The following FETUB variants were observed in gnomAD, a reference collection of about 807,000 sequenced individuals.
FETUB encodes fetuin B.
FETUB carries 28 observed loss-of-function variants against 30.9 expected under a neutral mutation model. That is an observed-to-expected ratio of 0.90 (90% confidence interval 0.67 to 1.24). The LOEUF is 1.24. Ranked by LOEUF, FETUB falls within the 50% of genes most tolerant of loss-of-function variation. The pLI, the probability that FETUB is intolerant of heterozygous loss-of-function variation, is 0.00. For synonymous variants in FETUB, 186 were observed against 175.9 expected (o/e 1.06, Z -0.45); for missense variants, 469 against 455.3 (o/e 1.03, Z -0.27).
intron 2 of FETUB, chr3:186,642,099 T>G (rs1425253347): frequency 5.6e-6 from 1 of 179,502 alleles, no homozygotes; most frequent in African/African-American, 2.4e-5. Flanking sequence ...AGCTCACGAC[T>G]TCCATGGTTA....
chr3:186,637,335 C>T (rs1043849992), upstream of FETUB, among the ~76,000 whole-genome samples: 10 of 152,196 alleles, frequency 6.6e-5, no homozygotes, highest in Non-Finnish European at 1.3e-4. Context: ...TACCAGGCAG[C>T]TCCCACCTGG....
upstream of FETUB, among the ~76,000 whole-genome samples, chr3:186,640,147 G>A (rs950577714): frequency 2.0e-5 from 3 of 152,186 alleles, no homozygotes; most frequent in South Asian, 2.1e-4. Context: ...TATTCAGGAG[G>A]GGACCTGCAA....
At chr3:186,645,726 T>G (rs1717458005) in intron 4 of FETUB, among the ~76,000 whole-genome samples, 1 of 140,406 alleles carries the variant, frequency 7.1e-6, no homozygotes, top group Admixed American at 7.1e-5. Flanking sequence ...CAAATCTTTT[T>G]TTTTTTTTTT....
chr3:186,652,826 C>T lies in FETUB; in HGVS notation c.*195C>T, dbSNP rs1718180488. The T allele has an allele frequency of 1.2e-5, 7 of 593,048 alleles. No individual in the cohort carries two copies. In the South Asian group the frequency reaches 1.4e-4, roughly 12 times the overall value. 36.7% of individuals were successfully genotyped at this position (593,048 alleles called of 1,614,324 possible). On this transcript the variant is annotated 3_prime_UTR_variant, in exon 7 of 7. Transcript: ENST00000265029. ...CCCTCGGCTTGGGCTGCACTCTACC[C>T]TGTACACTGCCTTGTACCCTGAGCT... is the stretch of plus-strand genomic sequence containing the variant.
chr3:186,647,686 C>G (rs1717663997), intron 5 of FETUB, among the ~76,000 whole-genome samples: 1 of 152,102 alleles, frequency 6.6e-6, no homozygotes. Context: ...AATCCAGTTG[C>G]TTATCTTTTC....
In FETUB at chr3:186,640,642, T is replaced by C; in HGVS notation, c.182T>C (p.Val61Ala). 2 of 1,614,126 alleles carry C rather than the reference T, an allele frequency of 1.2e-6. No homozygotes were observed. Among genetic ancestry groups the C allele is most frequent in the Non-Finnish European group, 1.7e-6 (2 of 1,180,024 alleles). Reference protein sequence around the residue: ...DINKDRKDGYVLRLNRVNDAQ... With the variant: ...DINKDRKDGYALRLNRVNDAQ... ...AACAAAGACAGAAAGGATGGCTATG[T>C]GCTGAGACTCAACCGAGTGAACGAC... Residue 61 changes from valine to alanine, a missense_variant, in exon 1 of 7, where the codon GTG becomes GCG. By Grantham distance (64) the Val-to-Ala change is moderately conservative (BLOSUM62 0). Coordinates refer to ENST00000265029, the MANE Select transcript of FETUB (RefSeq NM_014375.3).
upstream of FETUB, among the ~76,000 whole-genome samples, chr3:186,639,251 T>C (rs1410889786): frequency 1.3e-5 from 2 of 152,170 alleles, no homozygotes; most frequent in Non-Finnish European, 2.9e-5. Context: ...GAACTCACTT[T>C]CAAGATAATG....
chr3:186,644,701 T>C, intron 3 of FETUB, 50 bp from the exon 4 acceptor site: 1 of 1,445,002 alleles, frequency 6.9e-7, no homozygotes, highest in Non-Finnish European at 9.5e-7. Context: ...AGTCATATGA[T>C]TTATTGAAAA....
chr3:186,639,515 G>A (rs1164694018), upstream of FETUB, among the ~76,000 whole-genome samples: 1 of 152,066 alleles, frequency 6.6e-6, no homozygotes, highest in Non-Finnish European at 1.5e-5. Context: ...TCTTCTAGAG[G>A]CTTCTTTCCC....
chr3:186,641,788 T>C (rs1015500843), intron 2 of FETUB, among the ~76,000 whole-genome samples: 1 of 152,234 alleles, frequency 6.6e-6, no homozygotes, highest in Non-Finnish European at 1.5e-5. Context: ...AATAGTGATG[T>C]AAGTGTTTAG....
chr3:186,642,285 T>G (rs1579035615), intron 2 of FETUB, 186 bp from the exon 3 acceptor site: 1 of 566,270 alleles, frequency 1.8e-6, no homozygotes, highest in Non-Finnish European at 3.1e-6. Flanking sequence ...AAACATATTC[T>G]AGCTGTGTCC....
At chr3:186,639,265 T>C (rs1468608796), upstream of FETUB, among the ~76,000 whole-genome samples, 2 of 152,218 alleles carry the variant, frequency 1.3e-5, no homozygotes, top group African/African-American at 2.4e-5. Context: ...GATAATGGCA[T>C]ATTCCATTCA....
rs1214610377 is a variant in FETUB, at chr3:186,652,277, A to G, written c.795A>G (p.Gly265=). ...DFFESQAPAT[G]SENSAVNQKP... ...TCTCATTCCAGGCTCCAGCCACTGG[A>G]AGTGAAAACTCTGCTGTTAACCAGA... The change falls in exon 7 of 7, where the codon GGA becomes GGG. Residue 265 remains glycine, a synonymous_variant. Transcript: ENST00000265029. 3 of 1,547,074 alleles carry G rather than the reference A, an allele frequency of 1.9e-6. No individual in the cohort carries two copies. The highest frequency in any genetic ancestry group is 1.7e-6 in the Non-Finnish European group (2 of 1,153,486).
intron 5 of FETUB, chr3:186,646,940 C>T (rs1016146490): frequency 5.9e-5 from 9 of 152,234 alleles, no homozygotes; most frequent in African/African-American, 2.2e-4. Flanking sequence ...ACCATCACCA[C>T]TTTCTTATTT....
Position 186,644,745 on chromosome 3 carries a change from C to T in FETUB, c.425-6C>T. The T allele has an allele frequency of 6.3e-6, 10 of 1,590,720 alleles. No individual in the cohort carries two copies. The highest frequency in any genetic ancestry group is 8.5e-6 in the Non-Finnish European group (10 of 1,171,786). On this transcript the variant is annotated splice_region_variant and splice_polypyrimidine_tract_variant and intron_variant, in intron 3 of 6. Transcript: ENST00000265029. ...ATTTAAAAACTTATGTTATTGGCAT[C>T]AACAGTTTCAAAAAAAAAGATTTAC...
upstream of FETUB, chr3:186,640,252 G>T (rs1247995732): frequency 1.7e-6 from 1 of 589,918 alleles, no homozygotes; most frequent in Non-Finnish European, 3.0e-6. Context: ...AGGTGGATAT[G>T]AGGTTGCTCA....
At chr3:186,645,787 C>T (rs562308605) in intron 4 of FETUB, among the ~76,000 whole-genome samples, 112 of 128,140 alleles carry the variant, frequency 8.7e-4, no homozygotes, top group African/African-American at 2.6e-3. Flanking sequence ...AGTGCTGTGG[C>T]GCGATCTTGG....
At chr3:186,645,743 T>C (rs947015450) in intron 4 of FETUB, among the ~76,000 whole-genome samples, 35 of 148,120 alleles carry the variant, frequency 2.4e-4, no homozygotes, top group African/African-American at 8.5e-4. Context: ...TTTTTTTTTT[T>C]TTGAGACGGA....
In FETUB at chr3:186,652,368, T is replaced by G. The variant is rs779802500; in HGVS notation, c.886T>G (p.Ser296Ala). ...QKNTPPTDSP[S>A]KAGPRGSVQY... ...AAACACCCCCCCAACAGACTCCCCC[T>G]CCAAAGCTGGGCCAAGAGGATCTGT... The change falls in exon 7 of 7, where the codon TCC (serine) becomes GCC (alanine). Residue 296 changes from serine to alanine, a missense_variant. By Grantham distance (99) the Ser-to-Ala change is moderately conservative. Transcript: ENST00000265029. 1.9e-6 allele frequency: 3 copies of G among 1,591,260 alleles called. No individual in the cohort carries two copies. Among genetic ancestry groups the G allele is most frequent in the East Asian group, 2.3e-5 (1 of 44,004 alleles).
Sources: allele counts gnomAD v4.1 joint callset (sites outside exome capture counted in the v4.1 genomes callset), GRCh38; gene constraint gnomAD v4.1.1; transcripts MANE v1.5; gene names NCBI Gene and HGNC (gene_info 2026-07-23, HGNC 2026-07-21).